The following CFAP46 variants were observed in gnomAD, a reference collection of about 807,000 sequenced individuals.
The protein encoded by CFAP46 is cilia- and flagella-associated protein 46.
Under a neutral mutation model 325.7 loss-of-function variants are expected in CFAP46, and 245 were observed. The observed-to-expected ratio is 0.75, with a 90% CI of 0.68 to 0.84. The LOEUF is 0.84. Among genes scored for constraint, CFAP46 ranks in the 40% least tolerant of loss-of-function variants. CFAP46 has a pLI of 0.00. For synonymous variants in CFAP46, 1,523 were observed against 1,495.9 expected, an observed-to-expected ratio of 1.02 and a Z score of -0.42; for missense variants, 3,346 against 3,543.0, an observed-to-expected ratio of 0.94 and a Z score of 1.41.
intron 10 of CFAP46, among the ~76,000 whole-genome samples, chr10:132,925,473 C>T (rs1849796224): frequency 6.6e-6 from 1 of 152,370 alleles, no homozygotes; most frequent in East Asian, 1.9e-4. Context: ...AAGCCTCGTA[C>T]GCCGGTGCCG....
intron 28 of CFAP46, among the ~76,000 whole-genome samples, chr10:132,879,954 CCT>C (rs74258813): frequency 0.066 from 10,016 of 152,214 alleles, 403 homozygotes; most frequent in Non-Finnish European, 0.089. Context: ...GCACCCCGTT[CCT>C]GTCCCAGACT....
chr10:132,853,293 T>C (rs1004882915), intron 39 of CFAP46, among the ~76,000 whole-genome samples: 6 of 152,228 alleles, frequency 3.9e-5, no homozygotes, highest in African/African-American at 1.4e-4. Flanking sequence ...TTTTCCTGCA[T>C]CCACAAAGAT....
intron 35 of CFAP46, among the ~76,000 whole-genome samples, chr10:132,863,664 C>G (rs569547506): frequency 5.3e-5 from 8 of 151,896 alleles, no homozygotes; most frequent in African/African-American, 1.9e-4. Flanking sequence ...GTGCACACAC[C>G]TGTTCTCAGT....
intron 44 of CFAP46, among the ~76,000 whole-genome samples, chr10:132,843,492 G>A (rs1848377937): frequency 6.8e-6 from 1 of 146,342 alleles, no homozygotes; most frequent in African/African-American, 2.6e-5. Context: ...GCGTTCCCAG[G>A]GTGCTGTAGG....
intron 9 of CFAP46, 123 bp from the exon 10 acceptor site, chr10:132,926,789 G>A (rs1282507588): frequency 3.2e-5 from 24 of 748,904 alleles, no homozygotes; most frequent in South Asian, 4.9e-5. Context: ...CAAGTCACAC[G>A]ATGACACAAA....
rs537781017 is a variant in CFAP46 at position 132,827,558 on chromosome 10, G to A, written c.7117+5800C>T. Among the ~76,000 whole-genome samples the A allele has an allele frequency of 2.8e-4, 42 of 152,064 alleles. No homozygotes were observed. The highest frequency in any genetic ancestry group is 7.5e-4 in the African/African-American group (31 of 41,500). On this transcript the variant is annotated intron_variant, in intron 50 of 57. Coordinates refer to ENST00000368586, the MANE Select transcript of CFAP46 (RefSeq NM_001200049.3). The surrounding 1 kb of genome is among the most constrained non-coding windows in gnomAD (Gnocchi z 5.7). ...AGGCCTTGGGGTCACAGGAAGGCTC[G>A]GAGTGCCAGAGTACAGAGTCCAATT...
chr10:132,823,347 GTGTGC>G (rs1166531233), intron 50 of CFAP46, among the ~76,000 whole-genome samples: 1 of 122,314 alleles, frequency 8.2e-6, no homozygotes, highest in Non-Finnish European at 1.7e-5. Flanking sequence ...TGTGTGCTGT[GTGTGC>G]TGAGTGCTGA....
chr10:132,833,337 G>A (rs773433512), intron 50 of CFAP46, 21 bp downstream of exon 50: 4 of 1,592,176 alleles, frequency 2.5e-6, no homozygotes, highest in South Asian at 2.3e-5. Context: ...ACACATTAAG[G>A]TGGCTGAGGG....
chr10:132,909,614 C>T (rs1049251782), intron 20 of CFAP46, among the ~76,000 whole-genome samples: 12 of 152,314 alleles, frequency 7.9e-5, no homozygotes, highest in Middle Eastern at 3.4e-3. Flanking sequence ...CAAGGCCCCT[C>T]CTCCATCTGG....
At chr10:132,833,673 C>T in intron 49 of CFAP46, 148 bp from the exon 50 acceptor site, 1 of 760,412 alleles carries the variant, frequency 1.3e-6, no homozygotes, top group Non-Finnish European at 2.1e-6. Context: ...CTCCAGATGC[C>T]CCAGAACGGG....
intron 53 of CFAP46, 98 bp from the exon 54 acceptor site, chr10:132,814,352 G>C: frequency 1.8e-6 from 2 of 1,091,790 alleles, no homozygotes; most frequent in East Asian, 2.5e-5. Flanking sequence ...GAATGCAGGC[G>C]CATATATCAG....
chr10:132,883,446 C>T (rs1472760815), intron 27 of CFAP46, among the ~76,000 whole-genome samples: 2 of 152,266 alleles, frequency 1.3e-5, no homozygotes, highest in Non-Finnish European at 2.9e-5. Flanking sequence ...CCTGCCGGCA[C>T]AGCTAGAATA....
chr10:132,924,066 A>G (rs1437014815), intron 11 of CFAP46, among the ~76,000 whole-genome samples: 1 of 152,092 alleles, frequency 6.6e-6, no homozygotes, highest in Non-Finnish European at 1.5e-5. Flanking sequence ...GAGCCCTCCC[A>G]ACAAGAAACA....
intron 28 of CFAP46, among the ~76,000 whole-genome samples, chr10:132,879,967 G>A (rs767881760): frequency 2.6e-5 from 4 of 152,162 alleles, no homozygotes; most frequent in Admixed American, 1.3e-4. Context: ...GTCCCAGACT[G>A]TCCCAAGGGC....
chr10:132,877,809 C>A lies in CFAP46; in HGVS notation c.4212+72G>T. The A allele has an allele frequency of 1.3e-6, 2 of 1,513,420 alleles. No individual in the cohort carries two copies. The highest frequency in any genetic ancestry group is 1.8e-6 in the Non-Finnish European group (2 of 1,119,194). 93.7% of individuals were successfully genotyped at this position (1,513,420 alleles called of 1,614,324 possible). Reference sequence around the variant, plus strand: ...GCCGCCTGGGGCTCCTCCGAGAACCCTGACAGGCAGGGAAACTGAGGCACA... The same window carrying A: ...GCCGCCTGGGGCTCCTCCGAGAACCATGACAGGCAGGGAAACTGAGGCACA... On this transcript the variant is annotated intron_variant, in intron 30 of 57. Coordinates refer to ENST00000368586, the MANE Select transcript of CFAP46 (RefSeq NM_001200049.3). The surrounding 1 kb of genome is among the most constrained non-coding windows in gnomAD (Gnocchi z 5.7).
intron 6 of CFAP46, chr10:132,937,319 G>T: frequency 1.8e-6 from 1 of 553,336 alleles, no homozygotes; most frequent in Non-Finnish European, 3.1e-6. Flanking sequence ...TTTAAAGAGC[G>T]ACGATAAAGG....
chr10:132,849,997 G>A (rs943182328), intron 41 of CFAP46, among the ~76,000 whole-genome samples: 3 of 152,090 alleles, frequency 2.0e-5, no homozygotes, highest in African/African-American at 4.8e-5. Context: ...GTGCTGCTGT[G>A]GGCCGACCCA....
In CFAP46 at chr10:132,822,171, CTGA is replaced by C. The variant is rs527517015; in HGVS notation, c.7118-7260_7118-7258del. ...TGATGTGTGCTGTGTGCTGTGTGTG[CTGA>C]TGTGTGCTGATGTGTGCACTGTGTG... On this transcript the variant is annotated intron_variant, in intron 50 of 57. Transcript: ENST00000368586. 3.6e-4 allele frequency among the ~76,000 whole-genome samples: 40 copies of C among 111,778 alleles called. No homozygotes were observed. The South Asian group carries it at 0.01, about 28-fold the overall frequency. 73.3% of individuals were successfully genotyped at this position (111,778 alleles called of 152,430 possible). A position where few individuals can be genotyped will look rare whatever the true frequency, so the allele number is the denominator to read the frequency against.
intron 5 of CFAP46, among the ~76,000 whole-genome samples, chr10:132,937,958 G>A (rs1175711797): frequency 6.6e-6 from 1 of 152,216 alleles, no homozygotes; most frequent in Non-Finnish European, 1.5e-5. Context: ...ACCAACACCT[G>A]CAGGCTGTGG....
Sources: allele counts gnomAD v4.1 joint callset (sites outside exome capture counted in the v4.1 genomes callset), GRCh38; gene constraint gnomAD v4.1.1; non-coding constraint Gnocchi (gnomAD v3.1); transcripts MANE v1.5; gene names NCBI Gene and HGNC (gene_info 2026-07-23, HGNC 2026-07-21).